PRKCB: variants seen among roughly 807,000 people sequenced by gnomAD.
PRKCB encodes the protein protein kinase C beta.
Under a neutral mutation model 81.5 loss-of-function variants are expected in PRKCB, and 13 were observed. The ratio of observed to expected loss-of-function variants is 0.16; its 90% CI spans 0.10 to 0.25. The LOEUF (loss-of-function observed/expected upper bound fraction) is 0.25. Ranked by LOEUF, PRKCB falls within the 10% of genes least tolerant of loss-of-function variation. PRKCB has a pLI of 1.00. For missense variants in PRKCB, 509 were observed against 875.7 expected, an observed-to-expected ratio of 0.58 and a Z score of 5.29; for synonymous variants, 335 against 321.4, an observed-to-expected ratio of 1.04 and a Z score of -0.45.
intron 2 of PRKCB, among the ~76,000 whole-genome samples, chr16:23,956,530 G>A (rs948967505): frequency 4.6e-5 from 7 of 152,132 alleles, no homozygotes; most frequent in African/African-American, 1.7e-4. Context: ...ACACTCTTGG[G>A]CACTGTAGTG....
chr16:24,025,394 G>A (rs1052455773), intron 3 of PRKCB, among the ~76,000 whole-genome samples: 2 of 152,174 alleles, frequency 1.3e-5, no homozygotes, highest in Admixed American at 6.5e-5. Context: ...TATGAGGATC[G>A]AATGCATTAA....
chr16:24,007,675 T>A (rs1965143856), intron 3 of PRKCB, among the ~76,000 whole-genome samples: 1 of 152,222 alleles, frequency 6.6e-6, no homozygotes, highest in Non-Finnish European at 1.5e-5. Context: ...AGAGGCGAGC[T>A]GCTGGGACTT....
intron 2 of PRKCB, among the ~76,000 whole-genome samples, chr16:23,891,125 C>T (rs1312440153): frequency 1.3e-5 from 2 of 151,624 alleles, no homozygotes; most frequent in African/African-American, 4.9e-5. Flanking sequence ...CAGCCTCGAC[C>T]TCCTGGGCTT....
intron 5 of PRKCB, among the ~76,000 whole-genome samples, chr16:24,089,619 A>T (rs1018429568): frequency 1.3e-4 from 20 of 152,234 alleles, no homozygotes; most frequent in African/African-American, 3.9e-4. Flanking sequence ...AAATTTTTTT[A>T]AAAATTAGTT....
At chr16:23,857,479 G>GA in intron 2 of PRKCB, among the ~76,000 whole-genome samples, 1 of 152,194 alleles carries the variant, frequency 6.6e-6, no homozygotes, top group Non-Finnish European at 1.5e-5. Flanking sequence ...GTTGCCTCCA[G>GA]CCGAGACTTC....
chr16:23,840,548 G>A (rs1962246372), intron 2 of PRKCB, among the ~76,000 whole-genome samples: 1 of 152,160 alleles, frequency 6.6e-6, no homozygotes, highest in South Asian at 2.1e-4. Flanking sequence ...TGCTGTGAGG[G>A]AGCATGTGGG....
chr16:23,891,308 C>G (rs1222589867), intron 2 of PRKCB, among the ~76,000 whole-genome samples: 1 of 152,042 alleles, frequency 6.6e-6, no homozygotes. Context: ...CTGTCTCAGC[C>G]TCCCAAAGTG....
At chr16:24,005,790 G>C (rs981323786) in intron 3 of PRKCB, among the ~76,000 whole-genome samples, 1 of 152,180 alleles carries the variant, frequency 6.6e-6, no homozygotes, top group African/African-American at 2.4e-5. Flanking sequence ...TCCTCCTCTT[G>C]GTGTCATCCG....
chr16:24,012,639 C>T (rs1021407762), intron 3 of PRKCB, among the ~76,000 whole-genome samples: 39 of 152,370 alleles, frequency 2.6e-4, no homozygotes, highest in Non-Finnish European at 4.6e-4. Context: ...GAAGTGGCTG[C>T]GAAGCAGGGT....
intron 5 of PRKCB, among the ~76,000 whole-genome samples, chr16:24,061,930 A>C (rs111433310): frequency 5.8e-4 from 85 of 146,582 alleles, no homozygotes; most frequent in Middle Eastern, 3.5e-3. Flanking sequence ...AAAAAAAAAA[A>C]AAACTTGAGG....
chr16:24,213,279 C>T (rs914306956), intron 16 of PRKCB, among the ~76,000 whole-genome samples: 7 of 152,034 alleles, frequency 4.6e-5, no homozygotes, highest in African/African-American at 7.2e-5. Context: ...GTGATCCACC[C>T]GCCTCCTCCT....
chr16:23,860,408 T>C (rs567767165), intron 2 of PRKCB, among the ~76,000 whole-genome samples: 122 of 152,238 alleles, frequency 8.0e-4, no homozygotes, highest in African/African-American at 2.9e-3. Flanking sequence ...GCCTGTGCCA[T>C]ATCCGGGTGT....
chr16:24,181,014 G>A (rs985285112), intron 13 of PRKCB, 86 bp downstream of exon 13: 12 of 1,517,516 alleles, frequency 7.9e-6, no homozygotes, highest in Middle Eastern at 2.1e-4. Flanking sequence ...AAGGGTTGAG[G>A]GTGGTACCTT....
At chr16:23,863,092 T>C (rs901528901) in intron 2 of PRKCB, among the ~76,000 whole-genome samples, 3 of 147,780 alleles carry the variant, frequency 2.0e-5, no homozygotes, top group Non-Finnish European at 4.5e-5. Context: ...ATATATATGA[T>C]TATATAATAT....
chr16:24,123,559 T>C (rs1242057349), intron 8 of PRKCB, among the ~76,000 whole-genome samples: 1 of 152,048 alleles, frequency 6.6e-6, no homozygotes, highest in African/African-American at 2.4e-5. Context: ...CAGGTAGTGA[T>C]GGTTGAGATG....
At chr16:23,953,556 T>C (rs1964311016) in intron 2 of PRKCB, among the ~76,000 whole-genome samples, 1 of 152,206 alleles carries the variant, frequency 6.6e-6, no homozygotes, top group African/African-American at 2.4e-5. Context: ...AATTTAGCTG[T>C]TGTTTTCATT....
intron 2 of PRKCB, among the ~76,000 whole-genome samples, chr16:23,904,523 C>A (rs1012863570): frequency 1.3e-5 from 2 of 152,068 alleles, no homozygotes; most frequent in Non-Finnish European, 2.9e-5. Flanking sequence ...ATTAGCCAGA[C>A]ATGGTTGTGG....
rs1968222930 is a variant in PRKCB, at chr16:24,216,043, T to C, written c.*1227T>C. 2 of 985,150 alleles carry C rather than the reference T, an allele frequency of 2.0e-6. No individual in the cohort carries two copies. The highest frequency in any genetic ancestry group is 2.4e-6 in the Non-Finnish European group (2 of 829,864). The allele number at this position is 985,150 out of a possible 1,614,324, so 61.0% of individuals were successfully genotyped here. ...ACTATTTCAAGGAAAACTGCTCTTT[T>C]TGAGAAACGTGGACCTAAACTACAA... On this transcript the variant is annotated 3_prime_UTR_variant, in exon 17 of 17. Transcript: ENST00000643927.
At chr16:23,966,100 G>A (rs1964483584) in intron 2 of PRKCB, among the ~76,000 whole-genome samples, 1 of 152,236 alleles carries the variant, frequency 6.6e-6, no homozygotes, top group Admixed American at 6.5e-5. Context: ...CACCTTCTGA[G>A]ATGGCTTCTC....
Sources: allele counts gnomAD v4.1 joint callset (sites outside exome capture counted in the v4.1 genomes callset), GRCh38; gene constraint gnomAD v4.1.1; transcripts MANE v1.5; gene names NCBI Gene and HGNC (gene_info 2026-07-23, HGNC 2026-07-21).